The following TRAPPC9 variants were observed in gnomAD, a reference collection of about 807,000 sequenced individuals.
TRAPPC9 encodes the protein trafficking protein particle complex subunit 9.
A neutral mutation model predicts 124.0 loss-of-function variants in TRAPPC9; 83 were observed. The observed-to-expected ratio is 0.67, with a 90% CI of 0.56 to 0.80. TRAPPC9 has a LOEUF of 0.80. Among genes scored for constraint, TRAPPC9 ranks in the 30% least tolerant of loss-of-function variants. The probability of loss-of-function intolerance (pLI) is 0.00; values close to 1 mark genes in which losing one functional copy is unlikely to be tolerated. For missense variants in TRAPPC9, 1,302 were observed against 1,508.3 expected (o/e 0.86, Z 2.27); for synonymous variants, 638 against 617.5 (o/e 1.03, Z -0.49).
chr8:139,892,837 G>A (rs776338253), intron 20 of TRAPPC9, among the ~76,000 whole-genome samples: 4 of 152,168 alleles, frequency 2.6e-5, no homozygotes, highest in Non-Finnish European at 4.4e-5. Flanking sequence ...CTGTAGAAGC[G>A]TGTCAAGCCA....
intron 20 of TRAPPC9, among the ~76,000 whole-genome samples, chr8:139,903,529 G>T (rs889291711): frequency 3.9e-5 from 6 of 152,168 alleles, no homozygotes; most frequent in African/African-American, 1.4e-4. Context: ...AAATGAAAGG[G>T]TGAGTTGACC....
In TRAPPC9 at chr8:140,275,717, T is replaced by C; in HGVS notation, c.2219A>G (p.Asn740Ser). Residue 740 changes from asparagine to serine, a missense_variant, in exon 15 of 23, where the codon AAT (asparagine) becomes AGT (serine). Asn to Ser is a conservative substitution (Grantham distance 46). Coordinates refer to ENST00000438773, the MANE Select transcript of TRAPPC9 (RefSeq NM_001160372.4). ...ESQQLIIKLE[N>S]IGMEPLEKLE... Reference sequence around the variant, plus strand: ...TTTCTCCAATGGTTCCATTCCAATATTTTCCAATTTAATGATTAGTTGCTG... The same window carrying C: ...TTTCTCCAATGGTTCCATTCCAATACTTTCCAATTTAATGATTAGTTGCTG... 6.2e-7 allele frequency: 1 copy of C among 1,614,186 alleles called. No individual in the cohort carries two copies. Among genetic ancestry groups the C allele is most frequent in the Non-Finnish European group, 8.5e-7 (1 of 1,180,006 alleles).
intron 21 of TRAPPC9, among the ~76,000 whole-genome samples, chr8:139,762,072 G>A (rs1187340518): frequency 2.6e-5 from 4 of 151,770 alleles, no homozygotes; most frequent in African/African-American, 9.7e-5. Flanking sequence ...TCCTTCCTGG[G>A]ACCCAGGACA....
intron 21 of TRAPPC9, among the ~76,000 whole-genome samples, chr8:139,830,215 C>A (rs1367743990): frequency 6.6e-6 from 1 of 152,144 alleles, no homozygotes; most frequent in Non-Finnish European, 1.5e-5. Flanking sequence ...CATGCATACA[C>A]ACACAAATGA....
rs201180771 is a variant in TRAPPC9, at chr8:140,360,057, C to T, written c.1488G>A (p.Ser496=). ...TGGTTTGAGCTCACTCACCCTGATC[C>T]GACAAGAAGTCCAGCATGGTCTGTA... ...FLLQTMLDFL[S]DQEKKDVAQS... Residue 496 remains serine, a synonymous_variant, in exon 9 of 23, where the codon TCG becomes TCA. Transcript: ENST00000438773. 7.3e-5 allele frequency: 118 copies of T among 1,613,934 alleles called. No individual in the cohort carries two copies. Among genetic ancestry groups the T allele is most frequent in the Non-Finnish European group, 8.8e-5 (104 of 1,179,956 alleles).
chr8:140,156,488 T>A (rs2061632747), intron 17 of TRAPPC9, among the ~76,000 whole-genome samples: 1 of 152,266 alleles, frequency 6.6e-6, no homozygotes. Context: ...AATTATTTTT[T>A]AATTACATAT....
At chr8:140,113,618 G>A (rs762275553) in intron 17 of TRAPPC9, among the ~76,000 whole-genome samples, 10 of 152,160 alleles carry the variant, frequency 6.6e-5, no homozygotes, top group South Asian at 2.1e-4. Context: ...CAGACTCAGC[G>A]GGGACCCTCC....
chr8:140,070,680 A>C lies in TRAPPC9; in HGVS notation c.2557-46601T>G, dbSNP rs116724907. ...GGCAGGTTCTCAAAACACGCCAAAA[A>C]CTGGCTCAGAAAGATCAGGCTGCTC... On this transcript the variant is annotated intron_variant, in intron 17 of 22. Coordinates refer to ENST00000438773, the MANE Select transcript of TRAPPC9 (RefSeq NM_001160372.4). 3.0e-3 allele frequency among the ~76,000 whole-genome samples: 450 copies of C among 152,258 alleles called. 2 individuals carry two copies. Among genetic ancestry groups the C allele is most frequent in the African/African-American group, 0.01 (433 of 41,554 alleles).
At chr8:140,060,204 G>C (rs1842517503) in intron 17 of TRAPPC9, among the ~76,000 whole-genome samples, 1 of 152,320 alleles carries the variant, frequency 6.6e-6, no homozygotes, top group East Asian at 1.9e-4. Context: ...CCTGGGGCCA[G>C]GCCGGCCCCA....
intron 20 of TRAPPC9, among the ~76,000 whole-genome samples, chr8:139,890,855 A>G (rs1368517796): frequency 2.0e-5 from 3 of 151,974 alleles, no homozygotes; most frequent in Admixed American, 2.0e-4. Context: ...ATAAAAAATA[A>G]AAAAATTTAA....
chr8:140,057,603 C>A (rs775881393), intron 17 of TRAPPC9, among the ~76,000 whole-genome samples: 2 of 152,172 alleles, frequency 1.3e-5, no homozygotes, highest in African/African-American at 2.4e-5. Context: ...ACAAACACTG[C>A]ACGATTCTGC....
intron 17 of TRAPPC9, among the ~76,000 whole-genome samples, chr8:140,051,576 C>CTTT (rs1197128988): frequency 0.012 from 1,041 of 87,948 alleles, 50 homozygotes; most frequent in African/African-American, 0.046. Context: ...ATTGTTCATT[C>CTTT]TTTTTTTTTT....
At chr8:140,085,644 T>A (rs540300920) in intron 17 of TRAPPC9, among the ~76,000 whole-genome samples, 2 of 152,146 alleles carry the variant, frequency 1.3e-5, no homozygotes, top group South Asian at 4.2e-4. Flanking sequence ...TATTTCAGAG[T>A]GAGCATCCCC....
At chr8:140,195,516 C>T (rs540020907) in intron 17 of TRAPPC9, among the ~76,000 whole-genome samples, 1 of 151,060 alleles carries the variant, frequency 6.6e-6, no homozygotes, top group African/African-American at 2.4e-5. Context: ...CACTAAAACA[C>T]ACTCAATGAT....
chr8:140,117,613 A>G (rs1349221174), intron 17 of TRAPPC9, among the ~76,000 whole-genome samples: 2 of 152,212 alleles, frequency 1.3e-5, no homozygotes, highest in Non-Finnish European at 2.9e-5. Flanking sequence ...TAAAGGTCCC[A>G]TCTCTTAACA....
At chr8:140,033,669 T>TGTTTGTTTG (rs1563706662) in intron 17 of TRAPPC9, among the ~76,000 whole-genome samples, 2 of 73,276 alleles carry the variant, frequency 2.7e-5, no homozygotes, top group Non-Finnish European at 2.4e-5. Flanking sequence ...TTTTTTTTTT[T>TGTTTGTTTG]TTTTTTTTTT....
rs1000724239 is a variant in TRAPPC9, at chr8:140,439,310, T to A, written c.585-113A>T. On this transcript the variant is annotated intron_variant, in intron 2 of 22. Transcript: ENST00000438773. ...ACTAAAAATGCTAAGAAGGCAACTG[T>A]AGGCTCTATAATTTTAAGTCAGCAA... 1.1e-4 allele frequency: 129 copies of A among 1,188,514 alleles called. 1 individual carries two copies. The highest frequency in any genetic ancestry group is 1.5e-4 in the Non-Finnish European group (124 of 833,772). 73.6% of individuals were successfully genotyped at this position (1,188,514 alleles called of 1,614,324 possible). A position where few individuals can be genotyped will look rare whatever the true frequency, so the allele number is the denominator to read the frequency against.
At chr8:140,401,526 G>A (rs1004281241) in intron 6 of TRAPPC9, among the ~76,000 whole-genome samples, 3 of 152,082 alleles carry the variant, frequency 2.0e-5, no homozygotes, top group African/African-American at 7.3e-5. Context: ...AGTTTCTATT[G>A]ACGTGAGAAT....
chr8:139,758,926 G>A (rs1820036541), intron 21 of TRAPPC9, among the ~76,000 whole-genome samples: 2 of 152,188 alleles, frequency 1.3e-5, no homozygotes, highest in South Asian at 2.1e-4. Context: ...CACCTGTGGA[G>A]CCAGGTGGAG....
Sources: gnomAD v4.1 joint callset for allele counts (sites outside exome capture counted in the v4.1 genomes callset) on GRCh38, gnomAD v4.1.1 for gene constraint, MANE v1.5 for transcripts, NCBI Gene and HGNC (gene_info 2026-07-23, HGNC 2026-07-21) for gene names.